KCNAB1: variants seen among roughly 807,000 people sequenced by gnomAD.
The protein encoded by KCNAB1 is potassium voltage-gated channel subfamily A regulatory beta subunit 1, also known as voltage-gated potassium channel subunit beta-1.
In KCNAB1, 35 loss-of-function variants were observed where a neutral mutation model predicts 64.6. The observed-to-expected ratio is 0.54, with a 90% CI of 0.41 to 0.72. The LOEUF (loss-of-function observed/expected upper bound fraction) is 0.72, where lower values mean the gene tolerates loss of function less well. Among genes scored for constraint, KCNAB1 ranks in the 30% least tolerant of loss-of-function variants. The probability of loss-of-function intolerance (pLI) is 0.00; values close to 1 mark genes in which losing one functional copy is unlikely to be tolerated. For synonymous variants in KCNAB1, 177 were observed against 183.8 expected (o/e 0.96, Z 0.30); for missense variants, 401 against 512.9 (o/e 0.78, Z 2.11).
intron 1 of KCNAB1, among the ~76,000 whole-genome samples, chr3:156,365,312 C>T (rs1170868191): frequency 6.6e-6 from 1 of 152,156 alleles, no homozygotes; most frequent in African/African-American, 2.4e-5. Context: ...AATGACGGAA[C>T]ATGTGTAAGT....
At chr3:156,227,372 GA>G (rs1716248304) in intron 1 of KCNAB1, among the ~76,000 whole-genome samples, 1 of 151,942 alleles carries the variant, frequency 6.6e-6, no homozygotes, top group Non-Finnish European at 1.5e-5. Context: ...GTTTGACTTA[GA>G]AAAAAAAGTG....
At chr3:156,525,364 A>AC (rs1159342932) in intron 12 of KCNAB1, among the ~76,000 whole-genome samples, 1 of 151,454 alleles carries the variant, frequency 6.6e-6, no homozygotes, top group Non-Finnish European at 1.5e-5. Flanking sequence ...TTAGTTTTTA[A>AC]CAAAAAAAAA....
chr3:156,258,982 C>T (rs2108475614), intron 1 of KCNAB1, among the ~76,000 whole-genome samples: 1 of 152,312 alleles, frequency 6.6e-6, no homozygotes, highest in Middle Eastern at 3.4e-3. Context: ...ATTCGGCTTC[C>T]AATTGGTCTT....
intron 1 of KCNAB1, among the ~76,000 whole-genome samples, chr3:156,179,000 C>CAAAAAA (rs200144513): frequency 1.9e-5 from 2 of 108,072 alleles, no homozygotes; most frequent in African/African-American, 4.2e-5. Context: ...GACTCCGTCT[C>CAAAAAA]AAAAAAAAAA....
chr3:156,450,021 A>G (rs1711876650), intron 2 of KCNAB1, among the ~76,000 whole-genome samples: 1 of 152,246 alleles, frequency 6.6e-6, no homozygotes, highest in Non-Finnish European at 1.5e-5. Context: ...AAATTCATTA[A>G]GCAAATGTTG....
chr3:156,478,486 A>C (rs1714545341), intron 8 of KCNAB1, among the ~76,000 whole-genome samples: 1 of 152,070 alleles, frequency 6.6e-6, no homozygotes, highest in Non-Finnish European at 1.5e-5. Context: ...GTTCAGCCCA[A>C]CCCAGTGCTT....
At chr3:156,147,095 C>A (rs1312055254) in intron 1 of KCNAB1, among the ~76,000 whole-genome samples, 1 of 152,028 alleles carries the variant, frequency 6.6e-6, no homozygotes, top group African/African-American at 2.4e-5. Context: ...AACAGAGAGC[C>A]TGGGGTGAGG....
At chr3:156,170,373 G>T (rs1269012999) in intron 1 of KCNAB1, among the ~76,000 whole-genome samples, 1 of 152,160 alleles carries the variant, frequency 6.6e-6, no homozygotes, top group African/African-American at 2.4e-5. Flanking sequence ...CTGTTGCAAA[G>T]TATGCTTGTC....
intron 3 of KCNAB1, chr3:156,457,223 A>G (rs1712502270): frequency 1.5e-6 from 2 of 1,330,198 alleles, no homozygotes; most frequent in Admixed American, 3.3e-5. Context: ...TGGGCAGGCT[A>G]AATCCCAGCC....
At chr3:156,399,398 T>G (rs1251080594) in intron 1 of KCNAB1, among the ~76,000 whole-genome samples, 1 of 152,136 alleles carries the variant, frequency 6.6e-6, no homozygotes, top group Non-Finnish European at 1.5e-5. Flanking sequence ...CATTTGTGGG[T>G]TTCCAGTGAG....
At chr3:156,482,153 A>G (rs1025978934) in intron 8 of KCNAB1, among the ~76,000 whole-genome samples, 2 of 151,240 alleles carry the variant, frequency 1.3e-5, no homozygotes, top group African/African-American at 4.9e-5. Flanking sequence ...TTGCTCTGAA[A>G]CTCTTTATGC....
At chr3:156,333,419 CT>C (rs1484649140) in intron 1 of KCNAB1, among the ~76,000 whole-genome samples, 3 of 151,320 alleles carry the variant, frequency 2.0e-5, no homozygotes, top group African/African-American at 7.3e-5. Context: ...CTTCGTCTTG[CT>C]TTTTTATTTA....
intron 8 of KCNAB1, among the ~76,000 whole-genome samples, chr3:156,499,228 G>T (rs1344964865): frequency 1.3e-5 from 2 of 152,180 alleles, no homozygotes; most frequent in East Asian, 3.8e-4. Context: ...AATCATGAGG[G>T]ATCCATCTTG....
At chr3:156,183,883 C>T (rs544971283) in intron 1 of KCNAB1, among the ~76,000 whole-genome samples, 1 of 152,160 alleles carries the variant, frequency 6.6e-6, no homozygotes, top group Admixed American at 6.5e-5. Context: ...ACTCAGGTTG[C>T]GTGGGCTTGG....
At chr3:156,135,745 C>T (rs559498818) in intron 1 of KCNAB1, among the ~76,000 whole-genome samples, 1 of 152,318 alleles carries the variant, frequency 6.6e-6, no homozygotes, top group South Asian at 2.1e-4. Flanking sequence ...ACCCCAGCCT[C>T]CAAGGCCTTG....
intron 7 of KCNAB1, among the ~76,000 whole-genome samples, chr3:156,467,806 G>A (rs186256346): frequency 6.6e-6 from 1 of 152,190 alleles, no homozygotes; most frequent in Non-Finnish European, 1.5e-5. Context: ...CTAAGTCAAA[G>A]AATTATACAA....
intron 7 of KCNAB1, among the ~76,000 whole-genome samples, chr3:156,470,775 T>C (rs1164649874): frequency 6.6e-6 from 1 of 152,216 alleles, no homozygotes; most frequent in East Asian, 1.9e-4. Context: ...TCTTAAACTC[T>C]ATGAACTTTA....
At chr3:156,395,581 A>AAAAAAAAAAAAAC (rs1713397105) in intron 1 of KCNAB1, among the ~76,000 whole-genome samples, 1 of 141,004 alleles carries the variant, frequency 7.1e-6, no homozygotes, top group Non-Finnish European at 1.5e-5. Flanking sequence ...AAAAAAAAAA[A>AAAAAAAAAAAAAC]AAAATCAGAC....
At chr3:156,333,362 G>A (rs1018662371) in intron 1 of KCNAB1, among the ~76,000 whole-genome samples, 2 of 133,534 alleles carry the variant, frequency 1.5e-5, no homozygotes, top group East Asian at 2.1e-4. Flanking sequence ...ACACACACAC[G>A]TGTATAGCTT....
Sources: allele counts gnomAD v4.1 joint callset (sites outside exome capture counted in the v4.1 genomes callset), GRCh38; gene constraint gnomAD v4.1.1; transcripts MANE v1.5; gene names NCBI Gene and HGNC (gene_info 2026-07-23, HGNC 2026-07-21).